Variants in FOXP2 observed in about 807,000 individuals in gnomAD.
The protein encoded by FOXP2 is forkhead box protein P2.
In FOXP2, 12 loss-of-function variants were observed where a neutral mutation model predicts 115.8. The observed-to-expected ratio is 0.10, with a 90% CI of 0.07 to 0.17. The LOEUF (loss-of-function observed/expected upper bound fraction) is 0.17, where lower values mean the gene tolerates loss of function less well. Ranked by LOEUF, FOXP2 falls within the 10% of genes least tolerant of loss-of-function variation. FOXP2 has a pLI of 1.00. For missense variants in FOXP2, 629 were observed against 843.5 expected (o/e 0.75, Z 3.15); for synonymous variants, 328 against 297.7 (o/e 1.10, Z -1.05).
At chr7:114,613,640 A>G (rs1817550184) in intron 3 of FOXP2, 1 of 150,582 alleles carries the variant, frequency 6.6e-6, no homozygotes, top group Admixed American at 6.7e-5. Context: ...GCACCACTGC[A>G]CTCCAGCCTG....
rs78198864 is a variant in FOXP2 at position 114,202,786 on chromosome 7, G to A, written c.-102+39698G>A. ...ATTAGACGTTTTGAGGATTAAATGA[G>A]ACAGTGCATATAAAATGCTTAGCCA... On this transcript the variant is annotated intron_variant, in intron 1 of 17. Transcript: ENST00000634411. Among the ~76,000 whole-genome samples, 446 of 152,244 alleles carry A rather than the reference G, an allele frequency of 2.9e-3. 9 individuals carry two copies. The East Asian group carries it at 0.034, about 11-fold the overall frequency.
At chr7:114,666,620 A>G (rs1439516881) in intron 16 of FOXP2, 1 of 152,174 alleles carries the variant, frequency 6.6e-6, no homozygotes, top group Non-Finnish European at 1.5e-5. Flanking sequence ...GCATACTTAT[A>G]TCTCCTAAAA....
intron 1 of FOXP2, among the ~76,000 whole-genome samples, chr7:114,253,785 C>T (rs1260979360): frequency 6.6e-6 from 1 of 152,178 alleles, no homozygotes; most frequent in Non-Finnish European, 1.5e-5. Context: ...GCATGTAGTG[C>T]ATTTACATTT....
intron 16 of FOXP2, among the ~76,000 whole-genome samples, chr7:114,688,047 A>C (rs1021243231): frequency 1.3e-5 from 2 of 151,916 alleles, no homozygotes; most frequent in African/African-American, 4.8e-5. Context: ...GTTAGTATGG[A>C]TGAAACTGCA....
At position 114,518,029 on chromosome 7, in the gene FOXP2, C is replaced by T. The variant is rs80225282; in HGVS notation, c.169-16588C>T. ...TCAATATTTTATCATTTTCTATGTACAGATCTTCCACCTCCTTGGTTATAT... is the reference window on the plus strand; with the variant it reads ...TCAATATTTTATCATTTTCTATGTATAGATCTTCCACCTCCTTGGTTATAT... On this transcript the variant is annotated intron_variant, in intron 2 of 16. Coordinates refer to ENST00000350908, the MANE Select transcript of FOXP2 (RefSeq NM_014491.4). Among the ~76,000 whole-genome samples, 604 of 152,122 alleles carry T rather than the reference C, an allele frequency of 4.0e-3. 9 individuals carry two copies. The highest frequency in any genetic ancestry group is 0.014 in the African/African-American group (577 of 41,520).
At chr7:114,237,994 TAACA>T (rs997765429) in intron 1 of FOXP2, among the ~76,000 whole-genome samples, 1 of 151,950 alleles carries the variant, frequency 6.6e-6, no homozygotes, top group Admixed American at 6.6e-5. Context: ...ACAAACAAAC[TAACA>T]AACACACACA....
At chr7:114,576,336 T>A (rs1801574780) in intron 3 of FOXP2, among the ~76,000 whole-genome samples, 1 of 151,916 alleles carries the variant, frequency 6.6e-6, no homozygotes, top group Admixed American at 6.6e-5. Flanking sequence ...AGCTCCCTGA[T>A]CTCAGTTTGT....
At chr7:114,281,072 G>A (rs12537074) in intron 1 of FOXP2, among the ~76,000 whole-genome samples, 98,381 of 147,768 alleles carry the variant, frequency 0.67, 33,156 homozygotes, top group Middle Eastern at 0.81. Context: ...CTGAAGGTGA[G>A]AAAGGCTTTT....
At chr7:114,150,759 G>A (rs1271926274) in intron 1 of FOXP2, among the ~76,000 whole-genome samples, 1 of 151,834 alleles carries the variant, frequency 6.6e-6, no homozygotes, top group African/African-American at 2.4e-5. Context: ...CACTGTTGTG[G>A]TTTTCCTAGA....
intron 3 of FOXP2, among the ~76,000 whole-genome samples, chr7:114,550,700 A>G (rs1457868371): frequency 6.6e-6 from 1 of 152,198 alleles, no homozygotes; most frequent in Admixed American, 6.5e-5. Context: ...AGCAATGTGC[A>G]TTATGGTAAA....
At chr7:114,232,830 T>G (rs376122322) in intron 1 of FOXP2, among the ~76,000 whole-genome samples, 1 of 151,668 alleles carries the variant, frequency 6.6e-6, no homozygotes, top group Non-Finnish European at 1.5e-5. Flanking sequence ...AAAAAAAAAT[T>G]GTTCAGCCAT....
intron 1 of FOXP2, among the ~76,000 whole-genome samples, chr7:114,425,137 AG>A (rs1383920557): frequency 2.0e-5 from 3 of 151,602 alleles, no homozygotes; most frequent in African/African-American, 2.4e-5. Flanking sequence ...TCTCCATGAC[AG>A]GAAGAGATAG....
intron 6 of FOXP2, among the ~76,000 whole-genome samples, chr7:114,634,733 C>T (rs1805121155): frequency 6.6e-6 from 1 of 151,592 alleles, no homozygotes; most frequent in Non-Finnish European, 1.5e-5. Context: ...ATATGAATAA[C>T]ATAGTTTATA....
At chr7:114,321,472 A>C (rs1797421240) in intron 2 of FOXP2, among the ~76,000 whole-genome samples, 1 of 152,048 alleles carries the variant, frequency 6.6e-6, no homozygotes, top group Non-Finnish European at 1.5e-5. Flanking sequence ...TGCTGGGATT[A>C]CAGGTGTGAG....
intron 3 of FOXP2, among the ~76,000 whole-genome samples, chr7:114,543,145 A>C (rs1418056131): frequency 1.3e-5 from 2 of 152,146 alleles, no homozygotes; most frequent in East Asian, 3.8e-4. Flanking sequence ...CATTACAAGA[A>C]TCTAACATGA....
At chr7:114,663,562 C>CTTTTTTTTTTTTTTT (rs35518337) in intron 15 of FOXP2, 43 bp downstream of exon 15, 1 of 967,952 alleles carries the variant, frequency 1.0e-6, no homozygotes. Context: ...ATGTTTAGGG[C>CTTTTTTTTTTTTTTT]TTTTTTTTTT....
intron 1 of FOXP2, among the ~76,000 whole-genome samples, chr7:114,196,050 G>T (rs896731773): frequency 4.6e-5 from 7 of 152,236 alleles, no homozygotes; most frequent in Admixed American, 4.6e-4. Context: ...GTCTCGCTCT[G>T]TCACCAGGCT....
intron 2 of FOXP2, among the ~76,000 whole-genome samples, chr7:114,435,295 A>G (rs1028513043): frequency 3.3e-5 from 5 of 152,276 alleles, no homozygotes; most frequent in Admixed American, 1.3e-4. Context: ...TAGGAAGGGC[A>G]TTTTAATTGT....
At chr7:114,189,401 G>A (rs1157497777) in intron 1 of FOXP2, among the ~76,000 whole-genome samples, 1 of 152,066 alleles carries the variant, frequency 6.6e-6, no homozygotes, top group African/African-American at 2.4e-5. Flanking sequence ...TTCCAGTAAT[G>A]TATAGATTTA....
Sources: gnomAD v4.1 joint callset for allele counts (sites outside exome capture counted in the v4.1 genomes callset) on GRCh38, gnomAD v4.1.1 for gene constraint, MANE v1.5 for transcripts, NCBI Gene and HGNC (gene_info 2026-07-23, HGNC 2026-07-21) for gene names.